ANKS1B: variants seen among roughly 807,000 people sequenced by gnomAD.
ANKS1B encodes the protein ankyrin repeat and sterile alpha motif domain containing 1B.
In ANKS1B, 36 loss-of-function variants were observed where a neutral mutation model predicts 148.3. The ratio of observed to expected loss-of-function variants is 0.24; its 90% CI spans 0.19 to 0.32. ANKS1B has a LOEUF of 0.32. Among genes scored for constraint, ANKS1B ranks in the 10% least tolerant of loss-of-function variants. The probability of loss-of-function intolerance (pLI) is 1.00; values close to 1 mark genes in which losing one functional copy is unlikely to be tolerated. For synonymous variants in ANKS1B, 542 were observed against 560.8 expected (o/e 0.97, Z 0.47); for missense variants, 1,157 against 1,542.6 (o/e 0.75, Z 4.19).
intron 9 of ANKS1B, among the ~76,000 whole-genome samples, chr12:99,630,799 C>G (rs960535614): frequency 3.9e-5 from 6 of 152,174 alleles, no homozygotes; most frequent in Admixed American, 1.3e-4. Flanking sequence ...ACGTCCTTAC[C>G]AGCAAGAAGG....
At chr12:99,937,902 T>C (rs2094820679) in intron 1 of ANKS1B, among the ~76,000 whole-genome samples, 1 of 152,122 alleles carries the variant, frequency 6.6e-6, no homozygotes, top group Non-Finnish European at 1.5e-5. Flanking sequence ...CCTCAAGTTA[T>C]ATATAATAAG....
intron 15 of ANKS1B, among the ~76,000 whole-genome samples, chr12:99,150,578 G>T (rs1045248836): frequency 2.6e-5 from 4 of 152,050 alleles, no homozygotes; most frequent in African/African-American, 9.7e-5. Flanking sequence ...AAGTTATTAA[G>T]ATAAGAATAG....
chr12:99,637,630 C>G (rs1356101800), intron 9 of ANKS1B, among the ~76,000 whole-genome samples: 1 of 151,912 alleles, frequency 6.6e-6, no homozygotes, highest in African/African-American at 2.4e-5. Context: ...AGCCTCCCAG[C>G]CTACATTTTT....
At chr12:99,720,942 G>A (rs1567715008) in intron 8 of ANKS1B, among the ~76,000 whole-genome samples, 1 of 152,158 alleles carries the variant, frequency 6.6e-6, no homozygotes, top group East Asian at 1.9e-4. Context: ...AATAATCTTT[G>A]CTGGCAGGGC....
chr12:98,924,483 G>A (rs1040391207), intron 17 of ANKS1B, among the ~76,000 whole-genome samples: 3 of 151,950 alleles, frequency 2.0e-5, no homozygotes, highest in African/African-American at 7.3e-5. Context: ...TGTCCTTTGT[G>A]GATTTGACTT....
chr12:99,975,227 G>T (rs2095611798), intron 1 of ANKS1B, among the ~76,000 whole-genome samples: 1 of 152,138 alleles, frequency 6.6e-6, no homozygotes, highest in Non-Finnish European at 1.5e-5. Context: ...CATTTGTTCT[G>T]CCAGAAGAGG....
rs903110453 is a variant in ANKS1B, at chr12:98,877,999, G to A, written c.2779-45863C>T. ...ATCTACTAGAGGAATGAAATCTGTC[G>A]CCCACTCTTTTATTTTCTTCTTCGA... On this transcript the variant is annotated intron_variant, in intron 17 of 26. Coordinates refer to ENST00000683438, the MANE Select transcript of ANKS1B (RefSeq NM_001352186.2). 4.6e-5 allele frequency among the ~76,000 whole-genome samples: 7 copies of A among 151,942 alleles called. No homozygotes were observed. The South Asian group carries it at 8.3e-4, about 18-fold the overall frequency.
At chr12:99,878,766 C>A (rs1045292067) in intron 1 of ANKS1B, among the ~76,000 whole-genome samples, 1 of 152,036 alleles carries the variant, frequency 6.6e-6, no homozygotes, top group East Asian at 1.9e-4. Context: ...TGCATTTAAC[C>A]CTTTTATTGA....
At chr12:99,402,084 T>C (rs1365073336) in intron 11 of ANKS1B, among the ~76,000 whole-genome samples, 6 of 146,494 alleles carry the variant, frequency 4.1e-5, no homozygotes, top group African/African-American at 1.3e-4. Flanking sequence ...TCTATGGAAT[T>C]GTTTCACACC....
At chr12:99,963,465 G>A (rs1039399343) in intron 1 of ANKS1B, among the ~76,000 whole-genome samples, 9 of 152,166 alleles carry the variant, frequency 5.9e-5, no homozygotes, top group African/African-American at 2.2e-4. Context: ...GCAGGAACTG[G>A]TAATAGTGCC....
intron 9 of ANKS1B, among the ~76,000 whole-genome samples, chr12:99,570,090 A>G (rs2097436211): frequency 6.6e-6 from 1 of 152,134 alleles, no homozygotes; most frequent in African/African-American, 2.4e-5. Context: ...ATTGAAGAGT[A>G]AGGATTCTTA....
intron 8 of ANKS1B, among the ~76,000 whole-genome samples, chr12:99,752,994 G>C (rs1293609224): frequency 6.6e-6 from 1 of 151,972 alleles, no homozygotes; most frequent in Non-Finnish European, 1.5e-5. Context: ...AATATACTTT[G>C]AAACAATGAC....
intron 12 of ANKS1B, among the ~76,000 whole-genome samples, chr12:99,269,248 AT>A (rs2083127645): frequency 1.3e-5 from 2 of 152,162 alleles, no homozygotes; most frequent in Admixed American, 6.5e-5. Flanking sequence ...AAGCAAATAC[AT>A]TTTTTTATTT....
intron 4 of ANKS1B, among the ~76,000 whole-genome samples, chr12:99,783,506 A>T (rs892956785): frequency 1.3e-5 from 2 of 152,240 alleles, no homozygotes; most frequent in African/African-American, 4.8e-5. Flanking sequence ...GGCTGTCTGT[A>T]AATATTTATG....
At chr12:99,974,742 A>G (rs759938510) in intron 1 of ANKS1B, among the ~76,000 whole-genome samples, 12 of 151,980 alleles carry the variant, frequency 7.9e-5, no homozygotes, top group Non-Finnish European at 1.6e-4. Flanking sequence ...ACCCCAACAG[A>G]CAGGGTTTCC....
Position 99,837,799 on chromosome 12 carries a change from A to G in ANKS1B, c.135-12410T>C, listed in dbSNP as rs115038760. ...TGGAGACATTTTTACTTGTATAAAT[A>G]TAAGGGGTCCAAGTGCAGTTTTGTT... On this transcript the variant is annotated intron_variant, in intron 1 of 26. Transcript: ENST00000683438. Among the ~76,000 whole-genome samples the G allele has an allele frequency of 7.9e-3, 1,196 of 152,268 alleles. 16 individuals carry two copies. The highest frequency in any genetic ancestry group is 0.027 in the African/African-American group (1,130 of 41,548).
At chr12:99,409,398 C>A (rs2094614788) in intron 11 of ANKS1B, among the ~76,000 whole-genome samples, 1 of 150,852 alleles carries the variant, frequency 6.6e-6, no homozygotes, top group African/African-American at 2.4e-5. Context: ...AGTTAATGGG[C>A]TCAAAAATGT....
At chr12:99,079,196 C>A (rs1304507509) in intron 16 of ANKS1B, among the ~76,000 whole-genome samples, 1 of 152,104 alleles carries the variant, frequency 6.6e-6, no homozygotes, top group Non-Finnish European at 1.5e-5. Context: ...GGATTCCTGA[C>A]CCACAGAAAT....
At chr12:98,989,570 GT>G (rs2099925348) in intron 17 of ANKS1B, among the ~76,000 whole-genome samples, 2 of 152,048 alleles carry the variant, frequency 1.3e-5, no homozygotes, top group South Asian at 4.1e-4. Flanking sequence ...TTGCTTGTTT[GT>G]TTTGCTCATG....
Sources: gnomAD v4.1 joint callset for allele counts (sites outside exome capture counted in the v4.1 genomes callset) on GRCh38, gnomAD v4.1.1 for gene constraint, MANE v1.5 for transcripts, NCBI Gene and HGNC (gene_info 2026-07-23, HGNC 2026-07-21) for gene names.